TRAK1: variants seen among roughly 807,000 people sequenced by gnomAD.
The protein encoded by TRAK1 is trafficking kinesin-binding protein 1.
Under a neutral mutation model 92.1 loss-of-function variants are expected in TRAK1, and 33 were observed. The observed-to-expected ratio is 0.36, with a 90% CI of 0.27 to 0.48. TRAK1 has a LOEUF of 0.48. TRAK1 is among the 20% of genes least tolerant of loss of function. The pLI is 0.99. For synonymous variants in TRAK1, 521 were observed against 517.3 expected, an observed-to-expected ratio of 1.01 and a Z score of -0.10; for missense variants, 1,123 against 1,257.9, an observed-to-expected ratio of 0.89 and a Z score of 1.62.
chr3:42,131,733 A>G (rs1697218564), intron 2 of TRAK1, among the ~76,000 whole-genome samples: 1 of 149,880 alleles, frequency 6.7e-6, no homozygotes, highest in African/African-American at 2.5e-5. Context: ...TGAACAACAA[A>G]CAAATAAAAA....
chr3:42,158,110 G>T (rs2149287098), intron 2 of TRAK1, among the ~76,000 whole-genome samples: 1 of 152,250 alleles, frequency 6.6e-6, no homozygotes, highest in South Asian at 2.1e-4. Flanking sequence ...TAAATATTGT[G>T]TAATATATAG....
intron 1 of TRAK1, among the ~76,000 whole-genome samples, chr3:42,057,546 C>T (rs538956088): frequency 1.3e-5 from 2 of 152,266 alleles, no homozygotes; most frequent in South Asian, 4.1e-4. Context: ...GCCCCATTCC[C>T]TTTGCTGTAG....
chr3:42,096,300 T>C (rs779563549), intron 1 of TRAK1, among the ~76,000 whole-genome samples: 5 of 152,256 alleles, frequency 3.3e-5, no homozygotes, highest in Non-Finnish European at 7.3e-5. Context: ...TTGCTCAGGC[T>C]GGAGTGTAGT....
chr3:42,215,796 G>C (rs754697252), intron 14 of TRAK1, among the ~76,000 whole-genome samples: 7 of 152,130 alleles, frequency 4.6e-5, no homozygotes, highest in Non-Finnish European at 7.4e-5. Flanking sequence ...TGGGTGTGTG[G>C]CATGGCCAGT....
At chr3:42,195,956 G>A (rs73831712) in intron 10 of TRAK1, among the ~76,000 whole-genome samples, 8,408 of 152,232 alleles carry the variant, frequency 0.055, 230 homozygotes, top group Middle Eastern at 0.075. Context: ...TCTTGGTGCA[G>A]TGAGCTCCTG....
chr3:42,183,553 TAAAAAAAA>T (rs11293523), intron 3 of TRAK1, among the ~76,000 whole-genome samples: 31 of 117,354 alleles, frequency 2.6e-4, no homozygotes, highest in Non-Finnish European at 5.3e-4. Context: ...AGACTCTGTC[TAAAAAAAA>T]AAAAAAAAAA....
chr3:42,056,409 T>G (rs1050678412), intron 1 of TRAK1, among the ~76,000 whole-genome samples: 3 of 152,208 alleles, frequency 2.0e-5, no homozygotes, highest in African/African-American at 4.8e-5. Context: ...TCATTATGGT[T>G]TTGATTTGCA....
chr3:42,125,402 T>C lies in TRAK1; in HGVS notation c.92-18T>C, dbSNP rs1175642592. 6.2e-7 allele frequency: 1 copy of C among 1,606,188 alleles called. No homozygotes were observed. Among genetic ancestry groups the C allele is most frequent in the Non-Finnish European group, 8.5e-7 (1 of 1,176,066 alleles). Reference sequence around the variant, plus strand: ...TAGCCATTTCTGGGCTCTCATTTCTTGGTTGTCTTGTCTTTAGATGTGTGC... The same window carrying C: ...TAGCCATTTCTGGGCTCTCATTTCTCGGTTGTCTTGTCTTTAGATGTGTGC... On this transcript the variant is annotated intron_variant, in intron 1 of 15. Transcript: ENST00000327628.
chr3:42,192,650 C>T lies in TRAK1; in HGVS notation c.770-425C>T, dbSNP rs562516040. Among the ~76,000 whole-genome samples the T allele has an allele frequency of 3.3e-5, 5 of 152,254 alleles. No homozygotes were observed. The South Asian group carries it at 1.0e-3, about 32-fold the overall frequency. On this transcript the variant is annotated intron_variant, in intron 7 of 15. Coordinates refer to ENST00000327628, the MANE Select transcript of TRAK1 (RefSeq NM_001042646.3). ...AATTGCACTGTGCAGTCAGTAGTTC[C>T]TTTTTAGAACTGGGTGCAGCAGGGG...
At chr3:42,162,453 C>T (rs554113524) in intron 2 of TRAK1, among the ~76,000 whole-genome samples, 1 of 152,194 alleles carries the variant, frequency 6.6e-6, no homozygotes, top group Admixed American at 6.5e-5. Context: ...GGAACACAGG[C>T]TCAGTATAGA....
At chr3:42,095,384 A>AT (rs528978958) in intron 1 of TRAK1, among the ~76,000 whole-genome samples, 2 of 152,032 alleles carry the variant, frequency 1.3e-5, no homozygotes, top group East Asian at 1.9e-4. Flanking sequence ...ACTGTTCTTC[A>AT]TTTTTTTTCT....
chr3:42,019,706 GT>G (rs1701661631), intron 1 of TRAK1, among the ~76,000 whole-genome samples: 1 of 152,188 alleles, frequency 6.6e-6, no homozygotes, highest in Non-Finnish European at 1.5e-5. Context: ...ACAGCCTCTA[GT>G]GTAGGCTGCC....
At chr3:42,219,798 T>TG (rs1316170306) in intron 15 of TRAK1, among the ~76,000 whole-genome samples, 46 of 132,004 alleles carry the variant, frequency 3.5e-4, no homozygotes, top group African/African-American at 1.4e-3. Context: ...TTTTTTTTTT[T>TG]TTTTTTTTTT....
chr3:42,088,847 C>T (rs371782078), upstream of TRAK1, among the ~76,000 whole-genome samples: 6 of 152,206 alleles, frequency 3.9e-5, no homozygotes, highest in Middle Eastern at 3.2e-3. Flanking sequence ...AGCCTGGGAA[C>T]GTTGAAGGGC....
At chr3:42,218,900 G>A in intron 14 of TRAK1, 1 of 985,322 alleles carries the variant, frequency 1.0e-6, no homozygotes, top group African/African-American at 1.7e-5. Flanking sequence ...TGGAACTCTT[G>A]CCACGTTGTT....
intron 1 of TRAK1, among the ~76,000 whole-genome samples, chr3:42,033,958 A>G (rs1437111222): frequency 6.6e-6 from 1 of 152,174 alleles, no homozygotes; most frequent in East Asian, 1.9e-4. Context: ...TCTCCTGTCC[A>G]GTGGTGGCTT....
At chr3:42,149,495 G>T in intron 2 of TRAK1, 1 of 1,536,042 alleles carries the variant, frequency 6.5e-7, no homozygotes, top group Non-Finnish European at 8.7e-7. Flanking sequence ...GACGTTGATG[G>T]TGCTGTGAAG....
chr3:42,222,994 A>C lies in TRAK1; in HGVS notation c.2119A>C (p.Thr707Pro). ...TGGCAGCACCAGCCACTTGAAATCC[A>C]CGCCGGTGGCCACACCATGCACTCC... ...ACGSTSHLKS[T>P]PVATPCTPRR... Residue 707 changes from threonine to proline, a missense_variant, in exon 16 of 16, where the codon ACG becomes CCG. Thr to Pro is a conservative substitution (Grantham distance 38). This residue lies in a region of TRAK1 where 401 missense variants were observed against 438.9 expected (regional missense o/e 0.91). Transcript: ENST00000327628. The C allele has an allele frequency of 6.2e-7, 1 of 1,613,992 alleles. No individual in the cohort carries two copies. The highest frequency in any genetic ancestry group is 2.2e-5 in the East Asian group (1 of 44,866).
At chr3:42,123,281 C>T (rs762482754) in intron 1 of TRAK1, among the ~76,000 whole-genome samples, 18 of 152,224 alleles carry the variant, frequency 1.2e-4, no homozygotes, top group Non-Finnish European at 2.6e-4. Flanking sequence ...AGAGGTGTTC[C>T]ATGTTCTACC....
Sources: allele counts gnomAD v4.1 joint callset (sites outside exome capture counted in the v4.1 genomes callset), GRCh38; gene constraint gnomAD v4.1.1; regional missense constraint gnomAD v4.1.1; transcripts MANE v1.5; gene names NCBI Gene and HGNC (gene_info 2026-07-23, HGNC 2026-07-21).